The following NEDD4 variants were observed in gnomAD, a reference collection of about 807,000 sequenced individuals.
NEDD4 encodes NEDD4 E3 ubiquitin protein ligase.
NEDD4 carries 99 observed loss-of-function variants against 144.9 expected under a neutral mutation model. The ratio of observed to expected loss-of-function variants is 0.68; its 90% CI spans 0.58 to 0.81. The LOEUF is 0.81. Ranked by LOEUF, NEDD4 falls within the 30% of genes least tolerant of loss-of-function variation. The probability of loss-of-function intolerance (pLI) is 0.00; values close to 1 mark genes in which losing one functional copy is unlikely to be tolerated. For missense variants in NEDD4, 985 were observed against 1,065.9 expected, an observed-to-expected ratio of 0.92 and a Z score of 1.06; for synonymous variants, 318 against 350.6, an observed-to-expected ratio of 0.91 and a Z score of 1.04.
intron 13 of NEDD4, 102 bp from the exon 14 acceptor site, chr15:55,850,844 C>A: frequency 1.1e-6 from 1 of 945,192 alleles, no homozygotes; most frequent in Non-Finnish European, 1.5e-6. Flanking sequence ...TACACACCCT[C>A]CATTAAAGAG....
intron 1 of NEDD4, among the ~76,000 whole-genome samples, chr15:55,979,643 G>A (rs1490143619): frequency 6.6e-6 from 1 of 152,040 alleles, no homozygotes; most frequent in African/African-American, 2.4e-5. Flanking sequence ...GTGAGCCACC[G>A]CGCCCGGCGA....
chr15:55,869,476 C>T, intron 8 of NEDD4, 103 bp downstream of exon 8: 1 of 653,020 alleles, frequency 1.5e-6, no homozygotes, highest in East Asian at 2.8e-5. Flanking sequence ...AAATAATCTT[C>T]ATTGCACATG....
At chr15:55,855,741 G>C (rs2034167895) in intron 12 of NEDD4, among the ~76,000 whole-genome samples, 1 of 152,254 alleles carries the variant, frequency 6.6e-6, no homozygotes, top group Non-Finnish European at 1.5e-5. Flanking sequence ...GTGCACGCCT[G>C]AGTGATGAAA....
At chr15:55,910,157 A>G (rs2036226408) in intron 5 of NEDD4, among the ~76,000 whole-genome samples, 1 of 152,196 alleles carries the variant, frequency 6.6e-6, no homozygotes, top group Admixed American at 6.5e-5. Context: ...CACTTCACAT[A>G]TGCCTTCTGT....
intron 4 of NEDD4, among the ~76,000 whole-genome samples, chr15:55,925,941 A>G (rs1217341168): frequency 6.6e-6 from 1 of 152,036 alleles, no homozygotes; most frequent in Non-Finnish European, 1.5e-5. Context: ...CTTTTTACAT[A>G]TACATACTGT....
chr15:55,867,843 G>T (rs1433411382), intron 8 of NEDD4, among the ~76,000 whole-genome samples: 1 of 152,138 alleles, frequency 6.6e-6, no homozygotes, highest in Non-Finnish European at 1.5e-5. Flanking sequence ...ACGGCTTGAG[G>T]CCAGGAGTTC....
At chr15:55,935,925 G>A (rs1373885173) in intron 4 of NEDD4, among the ~76,000 whole-genome samples, 1 of 150,532 alleles carries the variant, frequency 6.6e-6, no homozygotes, top group Non-Finnish European at 1.5e-5. Flanking sequence ...CTTTGGAACT[G>A]CTGTAAGTAT....
chr15:55,829,900 A>T lies in NEDD4; in HGVS notation c.2700T>A (p.Asp900Glu). ...ACTACAGATTGTTATTTGTAATCTAATCAACTCCATCAAAGCCCTGGGTGT... is the reference window on the plus strand; with the variant it reads ...ACTACAGATTGTTATTTGTAATCTATTCAACTCCATCAAAGCCCTGGGTGT... ...IENTQGFDGVD is the reference protein window; with the variant it reads ...IENTQGFDGVE The change falls in exon 29 of 29, where the codon GAT becomes GAA. Residue 900 changes from aspartate to glutamate, a missense_variant. Physicochemically the swap from Asp to Glu is conservative, Grantham distance 45. Transcript: ENST00000435532. 6.2e-7 allele frequency: 1 copy of T among 1,609,314 alleles called. No individual in the cohort carries two copies. Among genetic ancestry groups the T allele is most frequent in the East Asian group, 2.2e-5 (1 of 44,858 alleles).
intron 4 of NEDD4, among the ~76,000 whole-genome samples, chr15:55,930,913 T>C (rs1468591005): frequency 2.6e-5 from 4 of 152,186 alleles, no homozygotes; most frequent in African/African-American, 4.8e-5. Flanking sequence ...CTTTATAAAT[T>C]ATCCAGTCTT....
At chr15:55,839,932 G>A (rs1410623637) in intron 21 of NEDD4, among the ~76,000 whole-genome samples, 2 of 121,770 alleles carry the variant, frequency 1.6e-5, no homozygotes, top group African/African-American at 3.2e-5. Context: ...CCAAGATCAC[G>A]CCACTGCACT....
intron 18 of NEDD4, among the ~76,000 whole-genome samples, chr15:55,844,354 G>C (rs1245248717): frequency 6.6e-6 from 1 of 151,934 alleles, no homozygotes; most frequent in East Asian, 1.9e-4. Flanking sequence ...AGGGTGTAAA[G>C]GGTGGTTTTA....
chr15:55,981,193 C>T (rs572095542), intron 1 of NEDD4, among the ~76,000 whole-genome samples: 4 of 152,066 alleles, frequency 2.6e-5, no homozygotes, highest in Non-Finnish European at 4.4e-5. Flanking sequence ...CAGGTGCCCA[C>T]CACCACACAC....
intron 2 of NEDD4, among the ~76,000 whole-genome samples, chr15:55,957,195 T>C (rs529668516): frequency 3.3e-5 from 5 of 152,340 alleles, no homozygotes; most frequent in Admixed American, 6.5e-5. Context: ...AGTAGTTTTT[T>C]CTGTAGATTC....
intron 2 of NEDD4, among the ~76,000 whole-genome samples, chr15:55,953,378 G>A (rs557522623): frequency 8.6e-5 from 13 of 151,974 alleles, no homozygotes; most frequent in East Asian, 7.8e-4. Context: ...GCTAGAAAGC[G>A]GACAGCCAGG....
At chr15:55,901,311 A>G (rs1407112994) in intron 5 of NEDD4, among the ~76,000 whole-genome samples, 1 of 152,140 alleles carries the variant, frequency 6.6e-6, no homozygotes, top group African/African-American at 2.4e-5. Flanking sequence ...AAAATTTTCA[A>G]TGGGGGATCA....
chr15:55,886,001 G>A (rs191801259), intron 5 of NEDD4, among the ~76,000 whole-genome samples: 60 of 151,666 alleles, frequency 4.0e-4, no homozygotes, highest in African/African-American at 1.4e-3. Flanking sequence ...AAAACAAAGG[G>A]ATGGAAAAAG....
At chr15:55,984,654 G>A (rs2037860959) in intron 1 of NEDD4, among the ~76,000 whole-genome samples, 1 of 152,138 alleles carries the variant, frequency 6.6e-6, no homozygotes, top group Non-Finnish European at 1.5e-5. Flanking sequence ...ATAATAATGG[G>A]CTACAGACAT....
intron 4 of NEDD4, among the ~76,000 whole-genome samples, chr15:55,941,649 C>CT (rs2037006864): frequency 1.3e-5 from 2 of 151,858 alleles, no homozygotes; most frequent in African/African-American, 4.8e-5. Context: ...ACTGCAACCT[C>CT]CGCCTCCCAG....
At position 55,850,684 on chromosome 15, in the gene NEDD4, T is replaced by A. The variant is rs199894826; in HGVS notation, c.1205A>T (p.Gln402Leu). ...SSQSSAGPQS[Q>L]ASTSDSGQQV... The stretch of plus-strand genomic sequence containing the variant: ...CTGGCCTGAATCACTGGTGGAGGCT[T>A]GTGATTGAGGGCCTGCAGAACTCTG... Residue 402 changes from glutamine to leucine, a missense_variant, in exon 14 of 29, where the codon CAA becomes CTA. Gln to Leu is a moderately radical substitution (Grantham distance 113). Coordinates refer to ENST00000435532, the MANE Select transcript of NEDD4 (RefSeq NM_006154.4). 4.0e-5 allele frequency: 65 copies of A among 1,613,976 alleles called. No individual in the cohort carries two copies. The highest frequency in any genetic ancestry group is 5.5e-5 in the Non-Finnish European group (65 of 1,180,036).
Sources: gnomAD v4.1 joint callset for allele counts (sites outside exome capture counted in the v4.1 genomes callset) on GRCh38, gnomAD v4.1.1 for gene constraint, MANE v1.5 for transcripts, NCBI Gene and HGNC (gene_info 2026-07-23, HGNC 2026-07-21) for gene names.